Variants in KLRK1 observed in about 807,000 individuals in gnomAD.
KLRK1 encodes killer cell lectin like receptor K1, also known as NKG2-D type II integral membrane protein.
KLRK1 carries 40 observed loss-of-function variants against 31.3 expected under a neutral mutation model. That is an observed-to-expected ratio of 1.28 (90% CI 0.99 to 1.67). The LOEUF is 1.67. KLRK1 is among the 40% of genes most tolerant of loss of function. KLRK1 has a pLI of 0.00. For missense variants in KLRK1, 251 were observed against 260.0 expected, an observed-to-expected ratio of 0.97 and a Z score of 0.24; for synonymous variants, 77 against 77.3, an observed-to-expected ratio of 1.00 and a Z score of 0.02.
intron 7 of KLRK1, 131 bp from the exon 8 acceptor site, chr12:10,373,362 C>A: frequency 1.6e-6 from 1 of 614,998 alleles, no homozygotes; most frequent in Non-Finnish European, 2.6e-6. Context: ...CATGCCTGGT[C>A]CTAATTCATA....
chr12:10,385,489 C>A (rs1400291428), intron 3 of KLRK1, among the ~76,000 whole-genome samples: 1 of 151,554 alleles, frequency 6.6e-6, no homozygotes, highest in Non-Finnish European at 1.5e-5. Flanking sequence ...CATAATGTTA[C>A]GTAGAGTAAA....
intron 3 of KLRK1, among the ~76,000 whole-genome samples, chr12:10,384,893 T>C (rs975298750): frequency 2.0e-5 from 3 of 151,868 alleles, no homozygotes; most frequent in African/African-American, 7.3e-5. Context: ...TTCAAACAAC[T>C]CAACAGCAAC....
At chr12:10,376,222 T>C (rs1440111836) in intron 7 of KLRK1, among the ~76,000 whole-genome samples, 1 of 152,132 alleles carries the variant, frequency 6.6e-6, no homozygotes, top group Non-Finnish European at 1.5e-5. Flanking sequence ...ATAGAATACA[T>C]AGAAAACAGC....
chr12:10,379,226 AAAAAAAAAG>A lies in KLRK1; in HGVS notation c.277+212_277+220del, dbSNP rs1403566793. On this transcript the variant is annotated intron_variant, in intron 5 of 7. Transcript: ENST00000240618. ...TGAGACCCCATCTCAAAAAAAAAAA[AAAAAAAAAG>A]AGAGAGAGAGAGAGAAAGATGATGT... The A allele has an allele frequency of 2.4e-4, 39 of 160,014 alleles. No homozygotes were observed. In the East Asian group the frequency reaches 5.4e-3, roughly 22 times the overall value. 9.9% of individuals were successfully genotyped at this position (160,014 alleles called of 1,614,324 possible). A position where few individuals can be genotyped will look rare whatever the true frequency, so the allele number is the denominator to read the frequency against.
At chr12:10,388,635 C>T in intron 2 of KLRK1, 136 bp downstream of exon 2, 1 of 1,023,610 alleles carries the variant, frequency 9.8e-7, no homozygotes, top group Non-Finnish European at 1.4e-6. Context: ...ATGAACATAA[C>T]ATGAAATCAA....
Position 10,373,028 on chromosome 12 carries a change from T to C in KLRK1, c.*86A>G, listed in dbSNP as rs1420146405. ...TTTGGTCATTTTGTCCTGTTTTTGT[T>C]TGTTTCCTTTAGTCTCAGTTGGCAG... On this transcript the variant is annotated 3_prime_UTR_variant, in exon 8 of 8. Coordinates refer to ENST00000240618, the MANE Select transcript of KLRK1 (RefSeq NM_007360.4). 5.8e-6 allele frequency: 7 copies of C among 1,216,400 alleles called. No homozygotes were observed. The Admixed American group carries it at 1.5e-4, about 26-fold the overall frequency. 75.4% of individuals were successfully genotyped at this position (1,216,400 alleles called of 1,614,324 possible).
intron 1 of KLRK1, 102 bp from the exon 2 acceptor site, chr12:10,388,977 C>T: frequency 1.5e-6 from 1 of 662,956 alleles, no homozygotes; most frequent in Non-Finnish European, 2.4e-6. Flanking sequence ...TTCCCCTGTG[C>T]ATGCCTTTAA....
In KLRK1 at chr12:10,388,158, T is replaced by C. The variant is rs532361567; in HGVS notation, c.40+613A>G. Among the ~76,000 whole-genome samples, 9 of 152,308 alleles carry C rather than the reference T, an allele frequency of 5.9e-5. No individual in the cohort carries two copies. The East Asian group carries it at 1.7e-3, about 29-fold the overall frequency. On this transcript the variant is annotated intron_variant, in intron 2 of 7. Transcript: ENST00000240618. ...TTTTATAGGTAAAATTAGACATTGA[T>C]TGCGCATGTAATACCTAACTCAGTT...
intron 2 of KLRK1, 86 bp downstream of exon 2, chr12:10,388,685 C>T (rs1362541937): frequency 4.0e-6 from 6 of 1,498,182 alleles, no homozygotes; most frequent in East Asian, 2.3e-5. Context: ...AAATTGCTTG[C>T]CTATGCCTTA....
chr12:10,380,247 A>G lies in KLRK1; in HGVS notation c.149-455T>C, dbSNP rs1336256458. On this transcript the variant is annotated intron_variant, in intron 3 of 7. Transcript: ENST00000240618. ...CTCCCAGCTAATGTTCTGTATTTTT[A>G]GTAGAGATAGGGTTTCACCGTGTTA... Among the ~76,000 whole-genome samples, 8 of 151,902 alleles carry G rather than the reference A, an allele frequency of 5.3e-5. No individual in the cohort carries two copies. The South Asian group carries it at 1.7e-3, about 32-fold the overall frequency.
chr12:10,386,968 CTCT>C lies in KLRK1; in HGVS notation c.80_82del (p.Lys27del). 1 of 1,611,662 alleles carries C rather than the reference CTCT, an allele frequency of 6.2e-7. No homozygotes were observed. Among genetic ancestry groups the C allele is most frequent in the South Asian group, 1.1e-5 (1 of 90,806 alleles). ...CTTTTGCCATCGTGTTGAAAAATCACTCTTCTTCAGATCCAAGTTATAATTATG... is the reference window on the plus strand; with the variant it reads ...CTTTTGCCATCGTGTTGAAAAATCACTCTTCAGATCCAAGTTATAATTATG... On this transcript the variant is annotated inframe_deletion, in exon 3 of 8. Transcript: ENST00000240618.
At position 10,388,892 on chromosome 12, in the gene KLRK1, T is replaced by A. The variant is rs1007109829; in HGVS notation, c.-65-17A>T. 6.5e-7 allele frequency: 1 copy of A among 1,538,616 alleles called. No individual in the cohort carries two copies. The highest frequency in any genetic ancestry group is 1.4e-5 in the African/African-American group (1 of 72,878). Reference sequence around the variant, plus strand: ...AAAGGATTCCTGAATAAAATAAAACTGGGCATTTGTTTTTTGTTCTCTTTC... The same window carrying A: ...AAAGGATTCCTGAATAAAATAAAACAGGGCATTTGTTTTTTGTTCTCTTTC... On this transcript the variant is annotated splice_polypyrimidine_tract_variant and intron_variant, in intron 1 of 7. Transcript: ENST00000240618.
chr12:10,378,179 T>G lies in KLRK1; in HGVS notation c.486A>C (p.Thr162=). The change falls in exon 7 of 8, where the codon ACA becomes ACC. Residue 162 remains threonine, a synonymous_variant. Coordinates refer to ENST00000240618, the MANE Select transcript of KLRK1 (RefSeq NM_007360.4). ...CATCTTCCCACTGCCAAGATCCATT[T>G]GTTGGAATGTGTACTAGTCCCATCC... The part of the protein sequence containing the change: ...YHWMGLVHIP[T]NGSWQWEDGS... 1.2e-6 allele frequency: 2 copies of G among 1,614,154 alleles called. No homozygotes were observed. The highest frequency in any genetic ancestry group is 1.7e-6 in the Non-Finnish European group (2 of 1,179,998).
At chr12:10,385,684 G>A (rs1428084664) in intron 3 of KLRK1, among the ~76,000 whole-genome samples, 2 of 151,946 alleles carry the variant, frequency 1.3e-5, no homozygotes, top group Non-Finnish European at 2.9e-5. Flanking sequence ...TTTTTCTAGT[G>A]TTCTATAGCA....
chr12:10,389,650 C>T (rs1204596945), intron 1 of KLRK1, among the ~76,000 whole-genome samples: 2 of 152,032 alleles, frequency 1.3e-5, no homozygotes, highest in Admixed American at 6.6e-5. Flanking sequence ...TTCTTCTCAT[C>T]CTAAATGTAA....
At chr12:10,379,406 C>T (rs749551753) in intron 5 of KLRK1, 41 bp downstream of exon 5, 1 of 1,240,662 alleles carries the variant, frequency 8.1e-7, no homozygotes, top group Non-Finnish European at 1.1e-6. Context: ...TAGGTAGATA[C>T]ATATAATATA....
chr12:10,379,425 A>G, intron 5 of KLRK1, 22 bp downstream of exon 5: 1 of 1,386,900 alleles, frequency 7.2e-7, no homozygotes, highest in Non-Finnish European at 9.9e-7. Context: ...TATGATCTAA[A>G]ATATTTTAAA....
At chr12:10,379,957 CA>C in intron 3 of KLRK1, 165 bp from the exon 4 acceptor site, 2 of 433,658 alleles carry the variant, frequency 4.6e-6, no homozygotes, top group East Asian at 4.0e-5. Flanking sequence ...CGCAAATGAT[CA>C]AAAACTAGAG....
intron 7 of KLRK1, among the ~76,000 whole-genome samples, chr12:10,373,661 A>C (rs1437400512): frequency 1.3e-5 from 2 of 149,814 alleles, no homozygotes; most frequent in Non-Finnish European, 3.0e-5. Flanking sequence ...TTTCAAATCT[A>C]ATACATACAT....
Sources: allele counts gnomAD v4.1 joint callset (sites outside exome capture counted in the v4.1 genomes callset), GRCh38; gene constraint gnomAD v4.1.1; transcripts MANE v1.5; gene names NCBI Gene and HGNC (gene_info 2026-07-23, HGNC 2026-07-21).